The following THRB variants were observed in gnomAD, a reference collection of about 807,000 sequenced individuals.
THRB encodes the protein thyroid hormone receptor beta.
In THRB, 12 loss-of-function variants were observed where a neutral mutation model predicts 47.8. That is an observed-to-expected ratio of 0.25 (90% CI 0.16 to 0.41). THRB has a LOEUF of 0.41. Ranked by LOEUF, THRB falls within the 10% of genes least tolerant of loss-of-function variation. The pLI is 1.00. For missense variants in THRB, 348 were observed against 589.2 expected (o/e 0.59, Z 4.24); for synonymous variants, 218 against 212.2 (o/e 1.03, Z -0.24).
In THRB at chr3:24,133,695, A is replaced by AAGAG. The variant is rs10652016; in HGVS notation, c.739-237_739-234dup. On this transcript the variant is annotated intron_variant, in intron 8 of 10. Coordinates refer to ENST00000646209, the MANE Select transcript of THRB (RefSeq NM_001354712.2). ...ATGTTTACAGGACTGTTGCTGCAGA[A>AAGAG]AGAGAGAGAGAGAGAGAGAGAGAGA... Among the ~76,000 whole-genome samples the AAGAG allele has an allele frequency of 0.31, 47,257 of 150,184 alleles. 9,038 individuals carry two copies. Among genetic ancestry groups the AAGAG allele is most frequent in the East Asian group, 0.69 (3,452 of 5,012 alleles).
At chr3:24,428,716 TTGAGCCAGA>T (rs5847294) in intron 1 of THRB, among the ~76,000 whole-genome samples, 33,588 of 151,720 alleles carry the variant, frequency 0.22, 4,221 homozygotes, top group African/African-American at 0.34. Flanking sequence ...GACCCACAGC[TTGAGCCAGA>T]TGGTGCAATG....
At chr3:24,435,383 G>A (rs115844787) in intron 1 of THRB, among the ~76,000 whole-genome samples, 2,994 of 152,252 alleles carry the variant, frequency 0.02, 109 homozygotes, top group African/African-American at 0.068. Flanking sequence ...TGATGTCAGA[G>A]AAAGCAGATG....
At chr3:24,258,334 T>A (rs2051544570) in intron 3 of THRB, among the ~76,000 whole-genome samples, 1 of 151,978 alleles carries the variant, frequency 6.6e-6, no homozygotes, top group African/African-American at 2.4e-5. Flanking sequence ...CAGGCCTGAT[T>A]TCAAAACCAA....
rs533378584 is a variant in THRB, at chr3:24,298,109, G to A, written c.-188-738C>T. 7.9e-5 allele frequency among the ~76,000 whole-genome samples: 12 copies of A among 152,240 alleles called. No individual in the cohort carries two copies. The South Asian group carries it at 2.5e-3, about 32-fold the overall frequency. On this transcript the variant is annotated intron_variant, in intron 2 of 10. Transcript: ENST00000646209. ...TTCTTTAATGTTGTGCATATGAAATGTGAGAAAATGAAAATAGGTCCGTTA... is the reference window on the plus strand; with the variant it reads ...TTCTTTAATGTTGTGCATATGAAATATGAGAAAATGAAAATAGGTCCGTTA...
intron 1 of THRB, among the ~76,000 whole-genome samples, chr3:24,353,902 A>G (rs2063510201): frequency 6.6e-6 from 1 of 152,188 alleles, no homozygotes; most frequent in East Asian, 1.9e-4. Context: ...AATTAAAAAA[A>G]TCTTAGGAGG....
At chr3:24,159,559 G>A (rs1382621009) in intron 5 of THRB, among the ~76,000 whole-genome samples, 2 of 152,180 alleles carry the variant, frequency 1.3e-5, no homozygotes, top group Non-Finnish European at 2.9e-5. Flanking sequence ...TGGAAATGGA[G>A]GAGGGATTTT....
chr3:24,493,280 G>T (rs1372492770), intron 1 of THRB, among the ~76,000 whole-genome samples: 2 of 152,354 alleles, frequency 1.3e-5, no homozygotes, highest in East Asian at 3.9e-4. Context: ...TGAATATTCA[G>T]AATGAATCAT....
chr3:24,428,066 G>A (rs951550591), intron 1 of THRB, among the ~76,000 whole-genome samples: 1 of 151,998 alleles, frequency 6.6e-6, no homozygotes, highest in Non-Finnish European at 1.5e-5. Context: ...ATGGTTCCCT[G>A]TGGATCAAAG....
In THRB at chr3:24,121,275, C is replaced by T. The variant is rs2031639108; in HGVS notation, c.*1609G>A. On this transcript the variant is annotated 3_prime_UTR_variant, in exon 11 of 11. Transcript: ENST00000646209. ...AGAGCACGAACTAGAACTCAGGCAC[C>T]CAGACTTCTGGGCCAGTTATGCTCC... 1 of 152,520 alleles carries T rather than the reference C, an allele frequency of 6.6e-6. No individual in the cohort carries two copies. Among genetic ancestry groups the T allele is most frequent in the Non-Finnish European group, 1.5e-5 (1 of 68,014 alleles). 9.4% of individuals were successfully genotyped at this position (152,520 alleles called of 1,614,324 possible).
chr3:24,146,973 A>G (rs2036179227), intron 6 of THRB, 151 bp from the exon 7 acceptor site: 1 of 686,704 alleles, frequency 1.5e-6, no homozygotes, highest in Non-Finnish European at 2.5e-6. Flanking sequence ...AATATAAGAC[A>G]GTTGGCCCAG....
At chr3:24,174,002 C>A (rs1200432467) in intron 5 of THRB, among the ~76,000 whole-genome samples, 1 of 152,172 alleles carries the variant, frequency 6.6e-6, no homozygotes, top group African/African-American at 2.4e-5. Context: ...CCTACAGCAG[C>A]TATGACTGGC....
At chr3:24,335,472 T>C (rs2062189637) in intron 2 of THRB, among the ~76,000 whole-genome samples, 1 of 152,256 alleles carries the variant, frequency 6.6e-6, no homozygotes, top group African/African-American at 2.4e-5. Context: ...TTGGCTACAG[T>C]ATTTTCATTC....
At chr3:24,308,778 ATAAT>A (rs1266887558) in intron 2 of THRB, among the ~76,000 whole-genome samples, 1 of 152,184 alleles carries the variant, frequency 6.6e-6, no homozygotes, top group Non-Finnish European at 1.5e-5. Flanking sequence ...TTTTCTTTCT[ATAAT>A]TATTTGAATT....
In THRB at chr3:24,450,507, A is replaced by G. The variant is rs116787688; in HGVS notation, c.-261+44145T>C. On this transcript the variant is annotated intron_variant, in intron 1 of 10. Transcript: ENST00000646209. ...TCTACATTTTTCTGAAGTGTTATTT[A>G]TTCTTTACTTTAAAAATGTACTACC... is the stretch of plus-strand genomic sequence containing the variant. 2.0e-3 allele frequency among the ~76,000 whole-genome samples: 307 copies of G among 152,306 alleles called. 3 individuals carry two copies. Among genetic ancestry groups the G allele is most frequent in the African/African-American group, 7.2e-3 (300 of 41,570 alleles).
At position 24,289,162 on chromosome 3, in the gene THRB, T is replaced by A. The variant is rs78368305; in HGVS notation, c.-43+8064A>T. Reference sequence around the variant, plus strand: ...GCAAGTGGACAGACGAGGGCTTCATTACTGCTGCCTATTAGCTGCATGAAT... The same window carrying A: ...GCAAGTGGACAGACGAGGGCTTCATAACTGCTGCCTATTAGCTGCATGAAT... On this transcript the variant is annotated intron_variant, in intron 3 of 10. Transcript: ENST00000646209. 6.5e-3 allele frequency among the ~76,000 whole-genome samples: 997 copies of A among 152,294 alleles called. 13 individuals carry two copies. Among genetic ancestry groups the A allele is most frequent in the African/African-American group, 0.023 (941 of 41,560 alleles).
At chr3:24,475,950 A>C (rs1695389998) in intron 1 of THRB, among the ~76,000 whole-genome samples, 1 of 152,218 alleles carries the variant, frequency 6.6e-6, no homozygotes, top group South Asian at 2.1e-4. Flanking sequence ...TCAAGTAAAC[A>C]ATCATTTCAG....
At chr3:24,355,223 A>G (rs1428112012) in intron 1 of THRB, among the ~76,000 whole-genome samples, 2 of 152,160 alleles carry the variant, frequency 1.3e-5, no homozygotes, top group African/African-American at 4.8e-5. Context: ...TCACCTGAAC[A>G]TATCTTTGAG....
At chr3:24,248,795 G>A (rs866468460) in intron 3 of THRB, among the ~76,000 whole-genome samples, 3 of 152,258 alleles carry the variant, frequency 2.0e-5, no homozygotes, top group Middle Eastern at 6.8e-3. Flanking sequence ...CCAAGCACCA[G>A]CTCCACAGGA....
intron 1 of THRB, among the ~76,000 whole-genome samples, chr3:24,352,777 TG>T (rs1273409010): frequency 6.6e-6 from 1 of 152,166 alleles, no homozygotes; most frequent in Non-Finnish European, 1.5e-5. Context: ...GAAAAAGACT[TG>T]GAAGAAACAC....
Sources: allele counts gnomAD v4.1 joint callset (sites outside exome capture counted in the v4.1 genomes callset), GRCh38; gene constraint gnomAD v4.1.1; transcripts MANE v1.5; gene names NCBI Gene and HGNC (gene_info 2026-07-23, HGNC 2026-07-21).